RANBP17: variants seen among roughly 807,000 people sequenced by gnomAD.
RANBP17 encodes ran-binding protein 17.
In RANBP17, 158 loss-of-function variants were observed where a neutral mutation model predicts 141.2. That is an observed-to-expected ratio of 1.12 (90% CI 0.98 to 1.28). The LOEUF (loss-of-function observed/expected upper bound fraction) is 1.28. Ranked by LOEUF, RANBP17 falls within the 50% of genes most tolerant of loss-of-function variation. The probability of loss-of-function intolerance (pLI) is 0.00; values close to 1 mark genes in which losing one functional copy is unlikely to be tolerated. For missense variants in RANBP17, 1,438 were observed against 1,290.7 expected, an observed-to-expected ratio of 1.11 and a Z score of -1.75; for synonymous variants, 430 against 450.0, an observed-to-expected ratio of 0.96 and a Z score of 0.56.
intron 14 of RANBP17, among the ~76,000 whole-genome samples, chr5:171,008,756 T>C (rs1288213230): frequency 6.6e-6 from 1 of 152,186 alleles, no homozygotes; most frequent in Non-Finnish European, 1.5e-5. Flanking sequence ...TTCATTTCTT[T>C]TGTGGATCTT....
intron 22 of RANBP17, among the ~76,000 whole-genome samples, chr5:171,222,407 C>G (rs150868576): frequency 1.3e-5 from 2 of 152,294 alleles, no homozygotes; most frequent in African/African-American, 4.8e-5. Context: ...CAATGAAATT[C>G]TCTACTCTCT....
intron 26 of RANBP17, 121 bp from the exon 27 acceptor site, chr5:171,295,766 A>G: frequency 9.2e-7 from 1 of 1,086,378 alleles, no homozygotes; most frequent in Non-Finnish European, 1.3e-6. Flanking sequence ...GGACCTAGAC[A>G]AAAACTCCTC....
intron 22 of RANBP17, among the ~76,000 whole-genome samples, chr5:171,228,901 A>G (rs1005476841): frequency 1.3e-5 from 2 of 152,200 alleles, no homozygotes; most frequent in Admixed American, 6.5e-5. Context: ...ACTACAGTAC[A>G]GTGTAAACTT....
At chr5:171,269,705 C>T (rs563354937) in intron 25 of RANBP17, among the ~76,000 whole-genome samples, 1 of 152,268 alleles carries the variant, frequency 6.6e-6, no homozygotes, top group South Asian at 2.1e-4. Flanking sequence ...ATTGGTTGCC[C>T]ATTAAATGCT....
chr5:171,180,565 A>C (rs527907879), intron 16 of RANBP17, among the ~76,000 whole-genome samples: 5 of 152,216 alleles, frequency 3.3e-5, no homozygotes, highest in Non-Finnish European at 7.3e-5. Flanking sequence ...CTAGTCTCTT[A>C]GAGAAGAATA....
intron 24 of RANBP17, among the ~76,000 whole-genome samples, chr5:171,250,994 T>G (rs1765521058): frequency 6.6e-6 from 1 of 152,244 alleles, no homozygotes; most frequent in Admixed American, 6.5e-5. Context: ...TTAACAGAGC[T>G]ACAGAATCTA....
At chr5:171,175,329 C>A (rs1760375877) in intron 16 of RANBP17, among the ~76,000 whole-genome samples, 1 of 152,094 alleles carries the variant, frequency 6.6e-6, no homozygotes, top group Admixed American at 6.6e-5. Flanking sequence ...ATGGGATTTG[C>A]TGGGTCAAAT....
chr5:170,952,871 C>G (rs1334854133), intron 12 of RANBP17, among the ~76,000 whole-genome samples: 3 of 151,966 alleles, frequency 2.0e-5, no homozygotes, highest in Non-Finnish European at 4.4e-5. Flanking sequence ...ATACCTTAAG[C>G]AAAAATCATT....
intron 14 of RANBP17, among the ~76,000 whole-genome samples, chr5:171,126,029 G>A (rs1002367559): frequency 5.3e-5 from 8 of 152,092 alleles, no homozygotes; most frequent in South Asian, 2.1e-4. Flanking sequence ...CTCGTGATCC[G>A]CCCGCCTTGG....
intron 12 of RANBP17, among the ~76,000 whole-genome samples, chr5:170,938,476 T>G (rs1774065209): frequency 6.6e-6 from 1 of 152,174 alleles, no homozygotes; most frequent in African/African-American, 2.4e-5. Flanking sequence ...ATAAGTTATC[T>G]ATTTGATTTA....
intron 24 of RANBP17, among the ~76,000 whole-genome samples, chr5:171,248,100 C>T (rs1765326027): frequency 6.6e-6 from 1 of 152,168 alleles, no homozygotes; most frequent in African/African-American, 2.4e-5. Flanking sequence ...GGCGCGTTGG[C>T]TAACGCCTGT....
At chr5:171,167,852 T>G (rs887243527) in intron 14 of RANBP17, among the ~76,000 whole-genome samples, 1 of 152,220 alleles carries the variant, frequency 6.6e-6, no homozygotes, top group Non-Finnish European at 1.5e-5. Context: ...AATCAGTTAC[T>G]AAATATTCAA....
rs143842890 is a variant in RANBP17, at chr5:170,892,129, CTTTTTTTTTT to C, written c.257-248_257-239del. Reference sequence around the variant, plus strand: ...TTTTTTGTTTAAAGTTCACAAAATTCTTTTTTTTTTTTTTTTTTTACATTAAGTTCTGGGA... The same window carrying C: ...TTTTTTGTTTAAAGTTCACAAAATTCTTTTTTTTTACATTAAGTTCTGGGA... On this transcript the variant is annotated intron_variant, in intron 3 of 27. Coordinates refer to ENST00000523189, the MANE Select transcript of RANBP17 (RefSeq NM_022897.5). Among the ~76,000 whole-genome samples, 130 of 131,910 alleles carry C rather than the reference CTTTTTTTTTT, an allele frequency of 9.9e-4. 2 individuals are homozygous for C. Among genetic ancestry groups the C allele is most frequent in the African/African-American group, 3.6e-3 (126 of 35,304 alleles). 86.5% of individuals were successfully genotyped at this position (131,910 alleles called of 152,430 possible).
At chr5:171,150,580 G>T (rs1419348601) in intron 14 of RANBP17, among the ~76,000 whole-genome samples, 1 of 151,722 alleles carries the variant, frequency 6.6e-6, no homozygotes, top group Non-Finnish European at 1.5e-5. Flanking sequence ...TAGGCATTTT[G>T]TCCACATTAT....
intron 11 of RANBP17, 60 bp from the exon 12 acceptor site, chr5:170,924,297 G>A: frequency 1.0e-5 from 11 of 1,061,952 alleles, no homozygotes; most frequent in Non-Finnish European, 1.5e-5. Context: ...AAGTTTATTT[G>A]TGGTGAATAA....
In RANBP17 at chr5:171,292,078, T is replaced by A. The variant is rs1768529053; in HGVS notation, c.2944-1805T>A. Among the ~76,000 whole-genome samples the A allele has an allele frequency of 2.6e-5, 4 of 152,232 alleles. No homozygotes were observed. In the South Asian group the frequency reaches 8.3e-4, roughly 32 times the overall value. On this transcript the variant is annotated intron_variant, in intron 25 of 27. Transcript: ENST00000523189. ...GAAGCCCATAATATTTTAGACTGTC[T>A]AGATGGATCTGTTAGTTTTGCTTGT...
chr5:171,199,609 T>C, intron 18 of RANBP17, 61 bp from the exon 19 acceptor site: 4 of 1,040,692 alleles, frequency 3.8e-6, no homozygotes, highest in Non-Finnish European at 5.8e-6. Context: ...CACTCAATGC[T>C]GAGGACAATG....
intron 2 of RANBP17, among the ~76,000 whole-genome samples, chr5:170,881,034 C>T (rs1768626401): frequency 1.3e-5 from 2 of 152,184 alleles, no homozygotes; most frequent in African/African-American, 4.8e-5. Context: ...ATGAGCATGG[C>T]TGTGTTTTAA....
intron 14 of RANBP17, among the ~76,000 whole-genome samples, chr5:171,008,846 A>G (rs1421111303): frequency 1.3e-5 from 2 of 152,322 alleles, no homozygotes; most frequent in Middle Eastern, 3.4e-3. Flanking sequence ...GAGGCCTGAC[A>G]TACTGACCTT....
Sources: gnomAD v4.1 joint callset for allele counts (sites outside exome capture counted in the v4.1 genomes callset) on GRCh38, gnomAD v4.1.1 for gene constraint, MANE v1.5 for transcripts, NCBI Gene and HGNC (gene_info 2026-07-23, HGNC 2026-07-21) for gene names.